Variants in SCAF11 observed in about 807,000 individuals in gnomAD.
SCAF11 encodes the protein SR-related CTD associated factor 11, also known as protein SCAF11.
SCAF11 carries 47 observed loss-of-function variants against 140.5 expected under a neutral mutation model. That is an observed-to-expected ratio of 0.33 (90% CI 0.26 to 0.43). The LOEUF (loss-of-function observed/expected upper bound fraction) is 0.43. SCAF11 is among the 20% of genes least tolerant of loss of function. The pLI is 1.00. For synonymous variants in SCAF11, 557 were observed against 579.4 expected, an observed-to-expected ratio of 0.96 and a Z score of 0.55; for missense variants, 1,645 against 1,705.1, an observed-to-expected ratio of 0.96 and a Z score of 0.62.
intron 10 of SCAF11, 53 bp from the exon 11 acceptor site, chr12:45,928,912 TA>T (rs1253367696): frequency 8.6e-7 from 1 of 1,166,340 alleles, no homozygotes. Flanking sequence ...TAAGAAATAG[TA>T]ATTTGGCTTT....
At chr12:45,959,276 A>G (rs924592480) in intron 3 of SCAF11, among the ~76,000 whole-genome samples, 6 of 152,182 alleles carry the variant, frequency 3.9e-5, no homozygotes, top group African/African-American at 1.2e-4. Context: ...TCAAATAAAA[A>G]AAAAAAAAGA....
Position 45,972,992 on chromosome 12 carries a change from A to C in SCAF11, c.-21-8804T>G, listed in dbSNP as rs866393359. 1.8e-4 allele frequency among the ~76,000 whole-genome samples: 25 copies of C among 139,026 alleles called. 1 individual carries two copies. Among genetic ancestry groups the C allele is most frequent in the East Asian group, 5.9e-4 (3 of 5,080 alleles). 91.2% of individuals were successfully genotyped at this position (139,026 alleles called of 152,430 possible). Reference sequence around the variant, plus strand: ...TATAGATATATAGATATATAGATATAGATATATAGATATATATATAGATAT... The same window carrying C: ...TATAGATATATAGATATATAGATATCGATATATAGATATATATATAGATAT... On this transcript the variant is annotated intron_variant, in intron 1 of 14. Transcript: ENST00000369367.
chr12:45,987,644 C>T (rs11183271), intron 1 of SCAF11, among the ~76,000 whole-genome samples: 3,571 of 152,030 alleles, frequency 0.023, 153 homozygotes, highest in African/African-American at 0.081. Flanking sequence ...ACCACAACAG[C>T]GTAGGGGAAA....
At chr12:45,944,406 C>G (rs536596122) in intron 6 of SCAF11, among the ~76,000 whole-genome samples, 2 of 152,162 alleles carry the variant, frequency 1.3e-5, no homozygotes, top group South Asian at 4.1e-4. Flanking sequence ...TAATTCTAAT[C>G]AAAAACAAAG....
rs552652608 is a variant in SCAF11 at position 45,969,775 on chromosome 12, C to T, written c.-21-5587G>A. ...TTTAAGAGAAACAGTCTTGCTCTGTCGTCCAGGCTGGAGCGTGGTGGCACA... is the reference window on the plus strand; with the variant it reads ...TTTAAGAGAAACAGTCTTGCTCTGTTGTCCAGGCTGGAGCGTGGTGGCACA... On this transcript the variant is annotated intron_variant, in intron 1 of 14. Coordinates refer to ENST00000369367, the MANE Select transcript of SCAF11 (RefSeq NM_004719.3). 4.9e-4 allele frequency among the ~76,000 whole-genome samples: 75 copies of T among 152,312 alleles called. 1 individual carries two copies. The highest frequency in any genetic ancestry group is 1.8e-3 in the African/African-American group (73 of 41,566).
chr12:45,950,815 C>G (rs1418408129), intron 4 of SCAF11, among the ~76,000 whole-genome samples: 1 of 152,084 alleles, frequency 6.6e-6, no homozygotes, highest in Non-Finnish European at 1.5e-5. Flanking sequence ...TGCTTCCATC[C>G]CCTTTTCTAC....
chr12:45,922,681 G>A (rs1944743229), intron 13 of SCAF11, 99 bp from the exon 14 acceptor site: 1 of 1,186,644 alleles, frequency 8.4e-7, no homozygotes, highest in Admixed American at 2.6e-5. Context: ...TACAATAAGA[G>A]ACTCTCCAAC....
Position 45,946,752 on chromosome 12 carries a change from T to G in SCAF11, c.399-1439A>C, listed in dbSNP as rs978885114. On this transcript the variant is annotated intron_variant, in intron 5 of 14. Coordinates refer to ENST00000369367, the MANE Select transcript of SCAF11 (RefSeq NM_004719.3). The stretch of plus-strand genomic sequence containing the variant: ...ATTTCTTCACTATGCCTGGGAAAAG[T>G]GTACTATTATCTACTATGTAAATAC... 4.6e-5 allele frequency among the ~76,000 whole-genome samples: 7 copies of G among 152,184 alleles called. 1 individual carries two copies. Among genetic ancestry groups the G allele is most frequent in the African/African-American group, 1.7e-4 (7 of 41,434 alleles).
intron 1 of SCAF11, among the ~76,000 whole-genome samples, chr12:45,987,656 G>A (rs542038496): frequency 6.6e-6 from 1 of 152,320 alleles, no homozygotes; most frequent in East Asian, 1.9e-4. Context: ...TAGGGGAAAG[G>A]AGATTGGAGA....
intron 3 of SCAF11, among the ~76,000 whole-genome samples, chr12:45,958,451 T>TTGA (rs894588130): frequency 1.6e-4 from 25 of 152,356 alleles, no homozygotes; most frequent in African/African-American, 5.5e-4. Flanking sequence ...TGGCTCTATA[T>TTGA]ACATTTCATC....
At chr12:45,950,142 G>A (rs561591353) in intron 4 of SCAF11, among the ~76,000 whole-genome samples, 1 of 152,260 alleles carries the variant, frequency 6.6e-6, no homozygotes, top group African/African-American at 2.4e-5. Flanking sequence ...ACAAACCATG[G>A]AATGTGGAAG....
Position 45,933,124 on chromosome 12 carries a change from T to C in SCAF11, c.734+7A>G, listed in dbSNP as rs954423833. 3 of 1,595,236 alleles carry C rather than the reference T, an allele frequency of 1.9e-6. No homozygotes were observed. The highest frequency in any genetic ancestry group is 2.7e-5 in the African/African-American group (2 of 74,586). ...AAACACCTGAGTAAATAATTTTTTATTTTTACCTTCCAATTCCAGGTAATG... is the reference window on the plus strand; with the variant it reads ...AAACACCTGAGTAAATAATTTTTTACTTTTACCTTCCAATTCCAGGTAATG... On this transcript the variant is annotated splice_region_variant and intron_variant, in intron 9 of 14. Coordinates refer to ENST00000369367, the MANE Select transcript of SCAF11 (RefSeq NM_004719.3).
At chr12:45,958,514 T>A (rs1242083137) in intron 3 of SCAF11, among the ~76,000 whole-genome samples, 1 of 152,234 alleles carries the variant, frequency 6.6e-6, no homozygotes, top group Non-Finnish European at 1.5e-5. Flanking sequence ...AGTTATGGTT[T>A]AAATTAACAA....
chr12:45,991,919 C>G (rs1009220293), upstream of SCAF11: 1 of 1,287,580 alleles, frequency 7.8e-7, no homozygotes. Flanking sequence ...CGCGCTCACA[C>G]GTTTTCCTGT....
At chr12:45,982,843 G>A (rs1592228453) in intron 1 of SCAF11, among the ~76,000 whole-genome samples, 1 of 152,144 alleles carries the variant, frequency 6.6e-6, no homozygotes, top group East Asian at 1.9e-4. Context: ...AATAACTACT[G>A]TGGTCAGGGT....
intron 3 of SCAF11, chr12:45,961,422 C>G: frequency 4.7e-6 from 3 of 644,990 alleles, no homozygotes; most frequent in Non-Finnish European, 8.4e-6. Flanking sequence ...AAATTAATTA[C>G]TGCATTTCTA....
At position 45,964,090 on chromosome 12, in the gene SCAF11, T is replaced by A. The variant is rs780255887; in HGVS notation, c.61+17A>T. 5 of 1,358,872 alleles carry A rather than the reference T, an allele frequency of 3.7e-6. 1 individual carries two copies. The East Asian group carries it at 1.2e-4, about 31-fold the overall frequency. 84.2% of individuals were successfully genotyped at this position (1,358,872 alleles called of 1,614,324 possible). A position where few individuals can be genotyped will look rare whatever the true frequency, so the allele number is the denominator to read the frequency against. The stretch of plus-strand genomic sequence containing the variant: ...TTTTGCTTTCAACAAACAAACTTTA[T>A]AAAAATGAAAAGTTACCTTCCATGT... On this transcript the variant is annotated intron_variant, in intron 2 of 14. Transcript: ENST00000369367.
upstream of SCAF11, chr12:45,991,830 T>C (rs1277068706): frequency 6.5e-6 from 8 of 1,230,042 alleles, no homozygotes; most frequent in East Asian, 6.2e-5. Flanking sequence ...ACCCACGCCC[T>C]TGTCCTGCTT....
intron 1 of SCAF11, among the ~76,000 whole-genome samples, chr12:45,972,886 A>C (rs1462360681): frequency 3.0e-5 from 1 of 32,968 alleles, no homozygotes; most frequent in Non-Finnish European, 4.8e-5. Flanking sequence ...ATATAGATAT[A>C]TATATAGATA....
Sources: allele counts gnomAD v4.1 joint callset (sites outside exome capture counted in the v4.1 genomes callset), GRCh38; gene constraint gnomAD v4.1.1; transcripts MANE v1.5; gene names NCBI Gene and HGNC (gene_info 2026-07-23, HGNC 2026-07-21).